CAMK1D: variants seen among roughly 807,000 people sequenced by gnomAD.
CAMK1D encodes the protein calcium/calmodulin dependent protein kinase ID.
In CAMK1D, 9 loss-of-function variants were observed where a neutral mutation model predicts 47.7. The ratio of observed to expected loss-of-function variants is 0.19; its 90% CI spans 0.11 to 0.33. The LOEUF (loss-of-function observed/expected upper bound fraction) is 0.33, where lower values mean the gene tolerates loss of function less well. Ranked by LOEUF, CAMK1D falls within the 10% of genes least tolerant of loss-of-function variation. The pLI, the probability that CAMK1D is intolerant of heterozygous loss-of-function variation, is 1.00. For missense variants in CAMK1D, 291 were observed against 488.7 expected (o/e 0.60, Z 3.81); for synonymous variants, 184 against 184.9 (o/e 0.99, Z 0.04).
chr10:12,626,624 C>T (rs1387079205), intron 2 of CAMK1D, among the ~76,000 whole-genome samples: 1 of 152,030 alleles, frequency 6.6e-6, no homozygotes, highest in African/African-American at 2.4e-5. Context: ...TAGATGCATG[C>T]CACAACATCT....
chr10:12,415,746 G>GTTTT (rs148855799), intron 1 of CAMK1D, among the ~76,000 whole-genome samples: 1 of 139,140 alleles, frequency 7.2e-6, no homozygotes. Context: ...TTAAAATTAC[G>GTTTT]TTTTTTTTTT....
At chr10:12,408,658 G>A (rs1350387812) in intron 1 of CAMK1D, among the ~76,000 whole-genome samples, 4 of 152,072 alleles carry the variant, frequency 2.6e-5, no homozygotes, top group Admixed American at 6.6e-5. Flanking sequence ...TGTGGCCAGC[G>A]GAGGTGTGGG....
intron 1 of CAMK1D, among the ~76,000 whole-genome samples, chr10:12,433,153 C>G (rs188887411): frequency 6.6e-6 from 1 of 152,218 alleles, no homozygotes; most frequent in African/African-American, 2.4e-5. Flanking sequence ...CAGAATTGCT[C>G]TCTTTATGCT....
intron 1 of CAMK1D, among the ~76,000 whole-genome samples, chr10:12,387,369 A>G (rs1296017028): frequency 6.7e-5 from 3 of 44,538 alleles, no homozygotes; most frequent in Non-Finnish European, 1.3e-4. Flanking sequence ...TATATAATAT[A>G]TATATTATAT....
chr10:12,705,637 A>G (rs927075780), intron 3 of CAMK1D, among the ~76,000 whole-genome samples: 7 of 152,186 alleles, frequency 4.6e-5, no homozygotes, highest in Admixed American at 6.5e-5. Context: ...CTCCATGTAG[A>G]CAATCCTACT....
chr10:12,488,801 G>T (rs987239993), intron 1 of CAMK1D, among the ~76,000 whole-genome samples: 2 of 152,152 alleles, frequency 1.3e-5, no homozygotes, highest in Admixed American at 6.5e-5. Context: ...TCATACTCCC[G>T]TGAGAATCTA....
chr10:12,813,491 A>G (rs567949322), intron 6 of CAMK1D, among the ~76,000 whole-genome samples: 111 of 152,290 alleles, frequency 7.3e-4, no homozygotes, highest in African/African-American at 2.6e-3. Context: ...TAGGGACAGT[A>G]TTACATACAG....
chr10:12,528,191 G>C (rs142624151), intron 1 of CAMK1D, among the ~76,000 whole-genome samples: 1 of 152,326 alleles, frequency 6.6e-6, no homozygotes, highest in African/African-American at 2.4e-5. Flanking sequence ...GTCAAGGAAT[G>C]ATCTAGGCTG....
chr10:12,770,831 A>G (rs1477038160), intron 5 of CAMK1D, among the ~76,000 whole-genome samples: 2 of 151,534 alleles, frequency 1.3e-5, no homozygotes, highest in Non-Finnish European at 2.9e-5. Flanking sequence ...AGGCTGGGAG[A>G]GGGTACGAGC....
intron 1 of CAMK1D, among the ~76,000 whole-genome samples, chr10:12,457,073 C>T (rs1369616893): frequency 6.6e-6 from 1 of 152,076 alleles, no homozygotes. Context: ...GAACGCTATG[C>T]AGCTGTTAAA....
At chr10:12,547,923 A>G (rs977983124) in intron 1 of CAMK1D, among the ~76,000 whole-genome samples, 2 of 152,194 alleles carry the variant, frequency 1.3e-5, no homozygotes, top group African/African-American at 4.8e-5. Flanking sequence ...TTGTTTGGCT[A>G]AATGATAAAG....
intron 1 of CAMK1D, among the ~76,000 whole-genome samples, chr10:12,536,234 G>GAA (rs35790468): frequency 6.9e-6 from 1 of 144,806 alleles, no homozygotes; most frequent in African/African-American, 2.5e-5. Flanking sequence ...TCAGAGTTCT[G>GAA]AAAAAAAAAA....
intron 3 of CAMK1D, among the ~76,000 whole-genome samples, chr10:12,704,932 A>G (rs567509789): frequency 6.6e-6 from 1 of 152,292 alleles, no homozygotes; most frequent in African/African-American, 2.4e-5. Context: ...AAAACCTGGT[A>G]AATATCATTG....
At chr10:12,730,388 A>C (rs1564521622) in intron 3 of CAMK1D, among the ~76,000 whole-genome samples, 1 of 152,182 alleles carries the variant, frequency 6.6e-6, no homozygotes, top group Non-Finnish European at 1.5e-5. Context: ...TTTGGGGGGA[A>C]GATCAGGATT....
intron 1 of CAMK1D, among the ~76,000 whole-genome samples, chr10:12,533,833 C>G (rs1389614018): frequency 1.3e-5 from 2 of 152,144 alleles, no homozygotes; most frequent in African/African-American, 4.8e-5. Context: ...TGTAAAGATA[C>G]AAGAAACCCT....
In CAMK1D at chr10:12,349,735, C is replaced by T; in HGVS notation, c.-84C>T. 3 of 375,806 alleles carry T rather than the reference C, an allele frequency of 8.0e-6. No homozygotes were observed. Among genetic ancestry groups the T allele is most frequent in the Non-Finnish European group, 1.2e-5 (3 of 258,006 alleles). The allele number at this position is 375,806 out of a possible 1,614,324, so 23.3% of individuals were successfully genotyped here. Reference sequence around the variant, plus strand: ...CGCAGCCCGAGCCGCCCGGCATCCCCGCCGCCTCTGCGCCCGCGCCGCGCC... The same window carrying T: ...CGCAGCCCGAGCCGCCCGGCATCCCTGCCGCCTCTGCGCCCGCGCCGCGCC... On this transcript the variant is annotated 5_prime_UTR_variant, in exon 1 of 11. Transcript: ENST00000619168.
intron 3 of CAMK1D, among the ~76,000 whole-genome samples, chr10:12,710,064 A>C (rs926437777): frequency 6.6e-6 from 1 of 152,216 alleles, no homozygotes; most frequent in African/African-American, 2.4e-5. Flanking sequence ...CTAAAATGTG[A>C]TCATAGTTGT....
intron 2 of CAMK1D, among the ~76,000 whole-genome samples, chr10:12,635,224 C>T (rs1839480979): frequency 6.6e-6 from 1 of 152,082 alleles, no homozygotes; most frequent in South Asian, 2.1e-4. Context: ...ATACCTGCCC[C>T]GTGGCTGCCC....
intron 1 of CAMK1D, among the ~76,000 whole-genome samples, chr10:12,537,820 A>G (rs1382664121): frequency 6.6e-6 from 1 of 152,228 alleles, no homozygotes; most frequent in African/African-American, 2.4e-5. Flanking sequence ...ATTTTGCTTA[A>G]GAAGATTAAC....
Sources: allele counts gnomAD v4.1 joint callset (sites outside exome capture counted in the v4.1 genomes callset), GRCh38; gene constraint gnomAD v4.1.1; transcripts MANE v1.5; gene names NCBI Gene and HGNC (gene_info 2026-07-23, HGNC 2026-07-21).